CHD6: variants seen among roughly 807,000 people sequenced by gnomAD.
CHD6 encodes the protein chromodomain helicase DNA binding protein 6.
Under a neutral mutation model 276.9 loss-of-function variants are expected in CHD6, and 50 were observed. The observed-to-expected ratio is 0.18, with a 90% CI of 0.14 to 0.23. The LOEUF (loss-of-function observed/expected upper bound fraction) is 0.23, where lower values mean the gene tolerates loss of function less well. Ranked by LOEUF, CHD6 falls within the 10% of genes least tolerant of loss-of-function variation. CHD6 has a pLI of 1.00. For synonymous variants in CHD6, 1,173 were observed against 1,229.3 expected (o/e 0.95, Z 0.96); for missense variants, 2,564 against 3,365.8 (o/e 0.76, Z 5.89).
At chr20:41,412,388 G>T in intron 35 of CHD6, 125 bp from the exon 36 acceptor site, 1 of 1,101,822 alleles carries the variant, frequency 9.1e-7, no homozygotes, top group Non-Finnish European at 1.3e-6. Flanking sequence ...GAGCTGGCCA[G>T]GTTAAACTAA....
intron 17 of CHD6, 38 bp from the exon 18 acceptor site, chr20:41,457,466 A>G (rs1353042511): frequency 6.3e-7 from 1 of 1,588,828 alleles, no homozygotes; most frequent in Admixed American, 1.7e-5. Flanking sequence ...ACGTCACCGT[A>G]TGTATAAACG....
chr20:41,523,814 T>C (rs2044462223), intron 3 of CHD6, among the ~76,000 whole-genome samples: 3 of 152,184 alleles, frequency 2.0e-5, no homozygotes, highest in Non-Finnish European at 4.4e-5. Context: ...AGGAAAGATA[T>C]GGGTACATGT....
chr20:41,445,866 TAAC>T, intron 24 of CHD6, 98 bp from the exon 25 acceptor site: 1 of 705,748 alleles, frequency 1.4e-6, no homozygotes, highest in South Asian at 1.7e-5. Context: ...GATGCTAAAG[TAAC>T]AATAAACAAA....
At chr20:41,542,658 A>G (rs2146115390) in intron 2 of CHD6, among the ~76,000 whole-genome samples, 1 of 152,080 alleles carries the variant, frequency 6.6e-6, no homozygotes, top group South Asian at 2.1e-4. Flanking sequence ...GCACCACTGC[A>G]CTCCAGCCTG....
chr20:41,528,680 G>C (rs188420241), intron 3 of CHD6, among the ~76,000 whole-genome samples: 106 of 152,222 alleles, frequency 7.0e-4, no homozygotes, highest in Non-Finnish European at 1.2e-3. Flanking sequence ...TAATAATTTG[G>C]AGGGAAAAGA....
intron 17 of CHD6, among the ~76,000 whole-genome samples, chr20:41,462,616 T>C (rs2042827450): frequency 6.6e-6 from 1 of 152,194 alleles, no homozygotes; most frequent in Admixed American, 6.5e-5. Context: ...AAAACTAAAA[T>C]AAACTCTGTG....
chr20:41,498,361 G>A, intron 6 of CHD6, 135 bp from the exon 7 acceptor site: 2 of 679,910 alleles, frequency 2.9e-6, no homozygotes, highest in South Asian at 3.6e-5. Context: ...ATTTTCCCAG[G>A]CCTTTTCCTG....
At chr20:41,522,910 A>G (rs2044438895) in intron 3 of CHD6, among the ~76,000 whole-genome samples, 1 of 152,188 alleles carries the variant, frequency 6.6e-6, no homozygotes, top group Admixed American at 6.5e-5. Context: ...GGATGGACAC[A>G]TGACCCAGCC....
intron 24 of CHD6, among the ~76,000 whole-genome samples, chr20:41,446,451 T>C (rs2048072632): frequency 6.6e-6 from 1 of 152,212 alleles, no homozygotes; most frequent in Non-Finnish European, 1.5e-5. Context: ...TGTAACGTGT[T>C]TGGAGAGCTC....
At chr20:41,496,408 G>C (rs1266938269) in intron 8 of CHD6, among the ~76,000 whole-genome samples, 1 of 152,176 alleles carries the variant, frequency 6.6e-6, no homozygotes. Flanking sequence ...GTGTTCAGGA[G>C]TTAGGATTTC....
Position 41,514,215 on chromosome 20 carries a change from A to C in CHD6, c.702+590T>G, listed in dbSNP as rs549572292. Among the ~76,000 whole-genome samples, 3 of 152,340 alleles carry C rather than the reference A, an allele frequency of 2.0e-5. No individual in the cohort carries two copies. The South Asian group carries it at 6.2e-4, about 32-fold the overall frequency. On this transcript the variant is annotated intron_variant, in intron 4 of 36. Transcript: ENST00000373233. ...GCCTTGCAGCAGAGTGGCTCAGATA[A>C]ATTGCTAAGAATATCAGAGGAAACA... is the stretch of plus-strand genomic sequence containing the variant.
At chr20:41,474,837 C>A (rs903723027) in intron 16 of CHD6, among the ~76,000 whole-genome samples, 2 of 152,184 alleles carry the variant, frequency 1.3e-5, no homozygotes, top group Admixed American at 1.3e-4. Context: ...CCAACTCAGA[C>A]TTATAAGGGA....
chr20:41,589,280 T>G (rs2045630349), intron 1 of CHD6, among the ~76,000 whole-genome samples: 3 of 152,084 alleles, frequency 2.0e-5, no homozygotes, highest in Admixed American at 1.3e-4. Context: ...GGGCAAAAAC[T>G]GGAAGCATTC....
At position 41,533,512 on chromosome 20, in the gene CHD6, T is replaced by G; in HGVS notation, c.92A>C (p.Asp31Ala). 1 of 1,613,470 alleles carries G rather than the reference T, an allele frequency of 6.2e-7. No individual in the cohort carries two copies. ...SPMSDASVNFDYKSPSPFDCS... is the reference protein window; with the variant it reads ...SPMSDASVNFAYKSPSPFDCS... ...GTCAAATGGGGATGGAGATTTGTAG[T>G]CAAAATTGACAGAGGCATCAGACAT... is the stretch of plus-strand genomic sequence containing the variant. Residue 31 changes from aspartate (D) to alanine (A), a missense_variant, in exon 3 of 37, where the codon GAC (aspartate) becomes GCC (alanine). Around this residue, in one of 7 missense-constraint regions of CHD6, gnomAD observed 286 missense variants for 297.8 expected, o/e 0.96. Coordinates refer to ENST00000373233, the MANE Select transcript of CHD6 (RefSeq NM_032221.5).
At position 41,562,580 on chromosome 20, in the gene CHD6, G is replaced by A. The variant is rs142536959; in HGVS notation, c.-23-11220C>T. 2.0e-5 allele frequency among the ~76,000 whole-genome samples: 3 copies of A among 151,562 alleles called. No homozygotes were observed. The East Asian group carries it at 5.8e-4, about 29-fold the overall frequency. ...GCAATTTGTAAATTAGATCAACTTC[G>A]GTGAAAAATTATCTTTTGTGTATAA... On this transcript the variant is annotated intron_variant, in intron 1 of 36. Transcript: ENST00000373233.
intron 16 of CHD6, among the ~76,000 whole-genome samples, chr20:41,477,171 T>C (rs1179901456): frequency 6.6e-6 from 1 of 152,028 alleles, no homozygotes; most frequent in African/African-American, 2.4e-5. Context: ...GGCCCATGAG[T>C]TCAAAGTTGC....
intron 27 of CHD6, among the ~76,000 whole-genome samples, chr20:41,432,592 C>T (rs900059037): frequency 6.6e-6 from 1 of 152,022 alleles, no homozygotes; most frequent in Non-Finnish European, 1.5e-5. Context: ...ACAAGGTGCC[C>T]CCCCCGACCT....
At chr20:41,590,564 T>C (rs1004665359) in intron 1 of CHD6, among the ~76,000 whole-genome samples, 16 of 152,172 alleles carry the variant, frequency 1.1e-4, no homozygotes, top group Admixed American at 8.5e-4. Context: ...TGAACAGACA[T>C]TTCTCAAAAG....
At chr20:41,466,846 T>TC (rs1042069520) in intron 17 of CHD6, among the ~76,000 whole-genome samples, 19 of 152,166 alleles carry the variant, frequency 1.2e-4, no homozygotes, top group African/African-American at 4.3e-4. Context: ...ACTCCCAGCC[T>TC]CCCAGGGATG....
Sources: gnomAD v4.1 joint callset for allele counts (sites outside exome capture counted in the v4.1 genomes callset) on GRCh38, gnomAD v4.1.1 for gene constraint, gnomAD v4.1.1 regional missense constraint, MANE v1.5 for transcripts, NCBI Gene and HGNC (gene_info 2026-07-23, HGNC 2026-07-21) for gene names.